ZMYM5: variants seen among roughly 807,000 people sequenced by gnomAD.
ZMYM5 encodes the protein zinc finger MYM-type containing 5.
In ZMYM5, 41 loss-of-function variants were observed where a neutral mutation model predicts 61.8. The observed-to-expected ratio is 0.66, with a 90% CI of 0.52 to 0.86. The LOEUF is 0.86. Ranked by LOEUF, ZMYM5 falls within the 40% of genes least tolerant of loss-of-function variation. The probability of loss-of-function intolerance (pLI) is 0.00; values close to 1 mark genes in which losing one functional copy is unlikely to be tolerated. For missense variants in ZMYM5, 706 were observed against 786.7 expected, an observed-to-expected ratio of 0.90 and a Z score of 1.23; for synonymous variants, 257 against 276.4, an observed-to-expected ratio of 0.93 and a Z score of 0.70.
At chr13:19,838,620 C>T (rs1952751296) in intron 5 of ZMYM5, 80 bp downstream of exon 5, 1 of 1,508,620 alleles carries the variant, frequency 6.6e-7, no homozygotes, top group South Asian at 1.3e-5. Flanking sequence ...TAAATCTATC[C>T]AGCTCTGCAG....
intron 2 of ZMYM5, among the ~76,000 whole-genome samples, chr13:19,858,400 C>A (rs1953588546): frequency 6.6e-6 from 1 of 151,702 alleles, no homozygotes; most frequent in Non-Finnish European, 1.5e-5. Flanking sequence ...GCCTAGGCAA[C>A]ATGGCGAAAC....
chr13:19,856,128 C>T lies in ZMYM5; in HGVS notation c.-10-3938G>A, dbSNP rs555626932. ...AAACTTTAATTCTAAAAACACAAGA[C>T]CATAAGAAAATTTTGAATATTTCTA... On this transcript the variant is annotated intron_variant, in intron 2 of 7. Coordinates refer to ENST00000337963, the MANE Select transcript of ZMYM5 (RefSeq NM_001142684.2). 4.6e-5 allele frequency among the ~76,000 whole-genome samples: 7 copies of T among 152,058 alleles called. No individual in the cohort carries two copies. The South Asian group carries it at 1.5e-3, about 32-fold the overall frequency.
rs542946174 is a variant in ZMYM5 at position 19,838,424 on chromosome 13, T to C, written c.872+276A>G. Among the ~76,000 whole-genome samples the C allele has an allele frequency of 4.6e-4, 70 of 152,130 alleles. 1 individual carries two copies. Among genetic ancestry groups the C allele is most frequent in the African/African-American group, 1.6e-3 (65 of 41,504 alleles). Reference sequence around the variant, plus strand: ...AATGCTGGTAATAAATTCATAGAACTAAGGTGTTAAGATGGGGGAGCAGGG... The same window carrying C: ...AATGCTGGTAATAAATTCATAGAACCAAGGTGTTAAGATGGGGGAGCAGGG... On this transcript the variant is annotated intron_variant, in intron 5 of 7. Coordinates refer to ENST00000337963, the MANE Select transcript of ZMYM5 (RefSeq NM_001142684.2).
At chr13:19,853,548 C>T (rs1371257733) in intron 2 of ZMYM5, among the ~76,000 whole-genome samples, 1 of 151,698 alleles carries the variant, frequency 6.6e-6, no homozygotes, top group East Asian at 1.9e-4. Context: ...CCACCTGGAC[C>T]TTTCAAAGTG....
chr13:19,849,781 A>G (rs1003987499), intron 4 of ZMYM5, among the ~76,000 whole-genome samples: 3 of 151,992 alleles, frequency 2.0e-5, no homozygotes, highest in African/African-American at 7.3e-5. Context: ...GGAGTTTGAG[A>G]CCAGCCTGGC....
chr13:19,847,320 G>C (rs1953108935), intron 4 of ZMYM5, among the ~76,000 whole-genome samples: 1 of 152,052 alleles, frequency 6.6e-6, no homozygotes, highest in African/African-American at 2.4e-5. Flanking sequence ...GTCAAGTTTT[G>C]GTGCTGCATC....
Position 19,838,902 on chromosome 13 carries a change from GAAGT to G in ZMYM5, c.666_669del (p.Leu222PhefsTer65). On this transcript the variant is annotated frameshift_variant, in exon 5 of 8. Transcript: ENST00000337963. LOFTEE classifies it high-confidence loss of function. The stretch of plus-strand genomic sequence containing the variant: ...GCTGTAGGCTGGAAATTCTGCTTAC[GAAGT>G]AAGGCCACTGGTGATAAAGAATCCA... 1 of 1,614,102 alleles carries G rather than the reference GAAGT, an allele frequency of 6.2e-7. No homozygotes were observed. The highest frequency in any genetic ancestry group is 8.5e-7 in the Non-Finnish European group (1 of 1,180,028).
At position 19,824,683 on chromosome 13, in the gene ZMYM5, G is replaced by C; in HGVS notation, c.1804C>G (p.Gln602Glu). 7.5e-7 allele frequency: 1 copy of C among 1,339,868 alleles called. No individual in the cohort carries two copies. The highest frequency in any genetic ancestry group is 9.9e-7 in the Non-Finnish European group (1 of 1,009,794). The allele number at this position is 1,339,868 out of a possible 1,614,324, so 83.0% of individuals were successfully genotyped here. The stretch of plus-strand genomic sequence containing the variant: ...TTGCACCCATTTTCATTTTTCAGTT[G>C]ATTTTTTCCTTCCCCAAAGAGTTTG... The part of the protein sequence containing the change: ...YCKLFGEGKN[Q>E]LKNENGCKDW... The change falls in exon 8 of 8, where the codon CAA becomes GAA. Residue 602 changes from glutamine to glutamate, a missense_variant. Gln to Glu is a conservative substitution (Grantham distance 29). Coordinates refer to ENST00000337963, the MANE Select transcript of ZMYM5 (RefSeq NM_001142684.2).
At chr13:19,827,115 T>C (rs2138477487) in intron 7 of ZMYM5, among the ~76,000 whole-genome samples, 1 of 152,222 alleles carries the variant, frequency 6.6e-6, no homozygotes, top group African/African-American at 2.4e-5. Flanking sequence ...TGTTAATAAA[T>C]AGGGGGTTTA....
intron 7 of ZMYM5, among the ~76,000 whole-genome samples, chr13:19,831,924 C>T (rs1046191178): frequency 2.0e-4 from 30 of 150,932 alleles, no homozygotes; most frequent in African/African-American, 7.3e-4. Context: ...GGCGTGATCT[C>T]GGCTCACTGC....
At chr13:19,851,549 G>A in intron 3 of ZMYM5, 101 bp from the exon 4 acceptor site, 2 of 1,545,918 alleles carry the variant, frequency 1.3e-6, no homozygotes, top group South Asian at 1.2e-5. Flanking sequence ...CTATAGTGAT[G>A]TTTTATATGT....
intron 7 of ZMYM5, among the ~76,000 whole-genome samples, chr13:19,833,794 T>C (rs535375738): frequency 2.0e-5 from 3 of 152,226 alleles, no homozygotes; most frequent in Admixed American, 2.0e-4. Flanking sequence ...AAAAGTAATA[T>C]TAGGAAAACA....
intron 2 of ZMYM5, among the ~76,000 whole-genome samples, chr13:19,856,963 G>A (rs906065410): frequency 4.6e-5 from 7 of 151,948 alleles, no homozygotes; most frequent in East Asian, 3.9e-4. Context: ...AAAATTAGCC[G>A]GGTGTGGTGG....
rs1953311511 is a variant in ZMYM5 at position 19,851,797 on chromosome 13, A to T, written c.384T>A (p.Asn128Lys). The change falls in exon 3 of 8, where the codon AAT (asparagine) becomes AAA (lysine). Residue 128 changes from asparagine to lysine, a missense_variant. This residue lies in a region of ZMYM5 where 480 missense variants were observed against 461.7 expected (regional missense o/e 1.04). Coordinates refer to ENST00000337963, the MANE Select transcript of ZMYM5 (RefSeq NM_001142684.2). ...AGGAAGACTTTTTCTCTGCTCCTCCATTTGTTTCTATGTCCTCTTCATCAT... is the reference window on the plus strand; with the variant it reads ...AGGAAGACTTTTTCTCTGCTCCTCCTTTTGTTTCTATGTCCTCTTCATCAT... Reference protein sequence around the residue: ...VIDDEEDIETNGGAEKKSSCF... With the variant: ...VIDDEEDIETKGGAEKKSSCF... 6.2e-7 allele frequency: 1 copy of T among 1,611,812 alleles called. No individual in the cohort carries two copies. The highest frequency in any genetic ancestry group is 8.5e-7 in the Non-Finnish European group (1 of 1,179,562).
chr13:19,858,014 A>G, intron 2 of ZMYM5, among the ~76,000 whole-genome samples: 1 of 150,076 alleles, frequency 6.7e-6, no homozygotes, highest in Non-Finnish European at 1.5e-5. Context: ...CCCTGTCTCA[A>G]AAATAAAAAA....
chr13:19,829,518 T>C (rs1400127791), intron 7 of ZMYM5, among the ~76,000 whole-genome samples: 2 of 152,244 alleles, frequency 1.3e-5, no homozygotes, highest in African/African-American at 2.4e-5. Flanking sequence ...CTTGAACTCC[T>C]GGGCTCAAGC....
Position 19,838,979 on chromosome 13 carries a change from CA to C in ZMYM5, c.592del (p.Trp198GlyfsTer90), listed in dbSNP as rs1440188034. On this transcript the variant is annotated frameshift_variant, in exon 5 of 8. Coordinates refer to ENST00000337963, the MANE Select transcript of ZMYM5 (RefSeq NM_001142684.2). LOFTEE classifies it high-confidence loss of function. ...GGGAAATGAAGCTGACTGGGAGATCCAAGAATCTTAAAAATGAAACAAGAAA... is the reference window on the plus strand; with the variant it reads ...GGGAAATGAAGCTGACTGGGAGATCCAGAATCTTAAAAATGAAACAAGAAA... ...EFATHHSPDS[W>X]ISQSASFPSN... 6 of 1,599,106 alleles carry C rather than the reference CA, an allele frequency of 3.8e-6. No homozygotes were observed. In the African/African-American group the frequency reaches 4.1e-5, roughly 11 times the overall value.
At chr13:19,850,562 T>C (rs1354353785) in intron 4 of ZMYM5, among the ~76,000 whole-genome samples, 2 of 151,720 alleles carry the variant, frequency 1.3e-5, no homozygotes, top group Admixed American at 6.6e-5. Context: ...GATGACGCCA[T>C]TGCACTCCAG....
intron 6 of ZMYM5, among the ~76,000 whole-genome samples, chr13:19,835,894 G>A (rs964417844): frequency 6.6e-6 from 1 of 152,020 alleles, no homozygotes; most frequent in Non-Finnish European, 1.5e-5. Flanking sequence ...CACAATCTCG[G>A]CTCACTGCAA....
Sources: allele counts gnomAD v4.1 joint callset (sites outside exome capture counted in the v4.1 genomes callset), GRCh38; gene constraint gnomAD v4.1.1; regional missense constraint gnomAD v4.1.1; transcripts MANE v1.5; gene names NCBI Gene and HGNC (gene_info 2026-07-23, HGNC 2026-07-21).